The following NME9 variants were observed in gnomAD, a reference collection of about 807,000 sequenced individuals.
NME9 encodes the protein thioredoxin domain-containing protein 6.
A neutral mutation model predicts 44.4 loss-of-function variants in NME9; 48 were observed. The observed-to-expected ratio is 1.08, with a 90% confidence interval of 0.86 to 1.37. The LOEUF (loss-of-function observed/expected upper bound fraction) is 1.37. Ranked by LOEUF, NME9 falls within the 40% of genes most tolerant of loss-of-function variation. The pLI, the probability that NME9 is intolerant of heterozygous loss-of-function variation, is 0.00. For synonymous variants in NME9, 139 were observed against 147.1 expected, an observed-to-expected ratio of 0.94 and a Z score of 0.40; for missense variants, 325 against 405.2, an observed-to-expected ratio of 0.80 and a Z score of 1.70.
chr3:138,308,234 C>T (rs1030654887), intron 6 of NME9, among the ~76,000 whole-genome samples: 11 of 152,104 alleles, frequency 7.2e-5, no homozygotes, highest in South Asian at 4.1e-4. Context: ...GTGCCTTCTC[C>T]GTTGTTAGAA....
downstream of NME9, among the ~76,000 whole-genome samples, chr3:138,299,975 A>AG (rs2051755892): frequency 6.6e-6 from 1 of 152,132 alleles, no homozygotes; most frequent in African/African-American, 2.4e-5. Context: ...GCCCAGGCAT[A>AG]GGGCTTCTCC....
intron 8 of NME9, among the ~76,000 whole-genome samples, chr3:138,265,871 T>C (rs1465535971): frequency 6.6e-6 from 1 of 152,096 alleles, no homozygotes; most frequent in Non-Finnish European, 1.5e-5. Context: ...ATGATTTATG[T>C]GTTGAGGTCC....
intron 8 of NME9, among the ~76,000 whole-genome samples, chr3:138,266,006 T>G (rs977369441): frequency 6.6e-6 from 1 of 152,150 alleles, no homozygotes; most frequent in Non-Finnish European, 1.5e-5. Context: ...CACCAAGAGT[T>G]TTCTATTTTC....
At chr3:138,263,171 G>A (rs566317672) in intron 8 of NME9, among the ~76,000 whole-genome samples, 3 of 152,326 alleles carry the variant, frequency 2.0e-5, no homozygotes, top group East Asian at 3.9e-4. Context: ...GAAAATTGCA[G>A]GTTATCTTAT....
chr3:138,324,122 CAAG>C, intron 2 of NME9: 1 of 226,664 alleles, frequency 4.4e-6, no homozygotes, highest in Non-Finnish European at 9.0e-6. Flanking sequence ...AAACCAATGG[CAAG>C]AAGTTAACGT....
intron 8 of NME9, among the ~76,000 whole-genome samples, chr3:138,282,837 GC>G (rs1489012489): frequency 2.0e-5 from 3 of 152,042 alleles, no homozygotes; most frequent in Non-Finnish European, 4.4e-5. Flanking sequence ...GCTCATGTCT[GC>G]CCCTTCATAA....
chr3:138,266,900 C>G (rs780466649), intron 8 of NME9, among the ~76,000 whole-genome samples: 12 of 152,138 alleles, frequency 7.9e-5, no homozygotes, highest in Non-Finnish European at 1.5e-4. Context: ...CCTGACATGT[C>G]TCTCTCCTCC....
intron 8 of NME9, among the ~76,000 whole-genome samples, chr3:138,272,371 A>G (rs1186297832): frequency 2.0e-5 from 3 of 152,232 alleles, no homozygotes; most frequent in East Asian, 1.9e-4. Flanking sequence ...ATATTCTCAA[A>G]AGTGATAAAT....
At chr3:138,297,525 C>T (rs1165665625), downstream of NME9, 1 of 152,226 alleles carries the variant, frequency 6.6e-6, no homozygotes, top group Non-Finnish European at 1.5e-5. Flanking sequence ...TGCCCTATCA[C>T]CACCCTGCAC....
exon 9 of NME9, chr3:138,262,442 A>T: frequency 1.5e-6 from 2 of 1,359,832 alleles, no homozygotes; most frequent in Non-Finnish European, 2.0e-6. Flanking sequence ...GATCATTGTT[A>T]ATTTCAACAA....
Position 138,314,969 on chromosome 3 carries a change from C to T in NME9, c.384+558G>A, listed in dbSNP as rs551507255. 5.3e-5 allele frequency among the ~76,000 whole-genome samples: 8 copies of T among 152,322 alleles called. No individual in the cohort carries two copies. In the South Asian group the frequency reaches 1.4e-3, roughly 28 times the overall value. On this transcript the variant is annotated intron_variant, in intron 5 of 10. Transcript: ENST00000333911. ...AAAGCACCAGGAAATACCTCTCTAC[C>T]TACGGTATGTTGATTTTCAAAGGCA...
intron 8 of NME9, among the ~76,000 whole-genome samples, chr3:138,278,837 G>A (rs2049574958): frequency 6.6e-6 from 1 of 151,904 alleles, no homozygotes; most frequent in South Asian, 2.1e-4. Context: ...TTAAAATTTC[G>A]ATTTCCAGTT....
At chr3:138,327,576 A>C (rs2053874248) in intron 1 of NME9, among the ~76,000 whole-genome samples, 1 of 152,196 alleles carries the variant, frequency 6.6e-6, no homozygotes, top group South Asian at 2.1e-4. Context: ...CCTTTTACCC[A>C]GACTGTCCCT....
intron 2 of NME9, among the ~76,000 whole-genome samples, chr3:138,320,724 AGGGAGACTGT>A (rs1560128042): frequency 6.6e-6 from 1 of 152,118 alleles, no homozygotes; most frequent in Non-Finnish European, 1.5e-5. Context: ...ATGGGTAGAG[AGGGAGACTGT>A]GGTGCAAAGG....
At chr3:138,318,284 G>A (rs2053229400) in intron 3 of NME9, 65 bp from the exon 4 acceptor site, 3 of 1,053,470 alleles carry the variant, frequency 2.8e-6, no homozygotes, top group Non-Finnish European at 3.0e-6. Flanking sequence ...TTGATTGGTG[G>A]GAAACCACAC....
intron 8 of NME9, among the ~76,000 whole-genome samples, chr3:138,279,101 G>A (rs1413641725): frequency 1.3e-5 from 2 of 152,144 alleles, no homozygotes; most frequent in Non-Finnish European, 2.9e-5. Flanking sequence ...CCCAATATTA[G>A]AGAAAAGCAC....
chr3:138,308,064 T>G (rs1191731541), intron 6 of NME9, among the ~76,000 whole-genome samples: 1 of 152,090 alleles, frequency 6.6e-6, no homozygotes, highest in East Asian at 1.9e-4. Context: ...GTAAGGGCGG[T>G]ATCTTAGATG....
chr3:138,316,979 G>A (rs2053132670), intron 4 of NME9, among the ~76,000 whole-genome samples: 1 of 152,126 alleles, frequency 6.6e-6, no homozygotes, highest in South Asian at 2.1e-4. Flanking sequence ...ACATAGAGTG[G>A]GTCCTCCTTC....
intron 8 of NME9, among the ~76,000 whole-genome samples, chr3:138,279,539 G>C (rs1275661789): frequency 6.6e-6 from 1 of 152,014 alleles, no homozygotes; most frequent in Non-Finnish European, 1.5e-5. Flanking sequence ...TTTGGTATTG[G>C]GATAATGCTG....
Sources: allele counts gnomAD v4.1 joint callset (sites outside exome capture counted in the v4.1 genomes callset), GRCh38; gene constraint gnomAD v4.1.1; transcripts MANE v1.5; gene names NCBI Gene and HGNC (gene_info 2026-07-23, HGNC 2026-07-21).